The following KITLG variants were observed in gnomAD, a reference collection of about 807,000 sequenced individuals.
The protein encoded by KITLG is c-Kit ligand.
In KITLG, 13 loss-of-function variants were observed where a neutral mutation model predicts 34.1. That is an observed-to-expected ratio of 0.38 (90% CI 0.25 to 0.61). KITLG has a LOEUF of 0.61. Ranked by LOEUF, KITLG falls within the 20% of genes least tolerant of loss-of-function variation. The pLI is 0.60. For missense variants in KITLG, 292 were observed against 318.9 expected (o/e 0.92, Z 0.64); for synonymous variants, 110 against 104.0 (o/e 1.06, Z -0.35).
chr12:88,556,006 T>C lies in KITLG; in HGVS notation c.16-10141A>G, dbSNP rs544533567. Among the ~76,000 whole-genome samples the C allele has an allele frequency of 1.1e-3, 160 of 151,578 alleles. 1 individual carries two copies. In the Middle Eastern group the frequency reaches 0.017, roughly 16 times the overall value. ...AAACCTGACTTGGGGAGGGGGGCAT[T>C]TGGGGGACAGGGGCATTTGAGGGAG... On this transcript the variant is annotated intron_variant, in intron 1 of 9. Coordinates refer to ENST00000644744, the MANE Select transcript of KITLG (RefSeq NM_000899.5).
chr12:88,553,439 AT>A (rs1282436821), intron 1 of KITLG, among the ~76,000 whole-genome samples: 30 of 146,818 alleles, frequency 2.0e-4, no homozygotes, highest in Admixed American at 1.4e-3. Context: ...GTAATCATCT[AT>A]TTTTTTTTTC....
intron 1 of KITLG, among the ~76,000 whole-genome samples, chr12:88,556,333 TG>T (rs571817225): frequency 8.7e-4 from 132 of 151,416 alleles, no homozygotes; most frequent in Non-Finnish European, 1.5e-3. Flanking sequence ...AGCAAGGGAG[TG>T]TCAAGATCTG....
chr12:88,513,821 A>G (rs1207855593), intron 6 of KITLG, among the ~76,000 whole-genome samples: 1 of 151,712 alleles, frequency 6.6e-6, no homozygotes, highest in Admixed American at 6.6e-5. Flanking sequence ...TCAAAAGTTA[A>G]TATTTTCAAT....
intron 2 of KITLG, among the ~76,000 whole-genome samples, chr12:88,539,518 T>TA (rs1333291578): frequency 6.6e-6 from 1 of 152,080 alleles, no homozygotes; most frequent in African/African-American, 2.4e-5. Flanking sequence ...TTGTTTCTCC[T>TA]AAAAAATTAT....
At position 88,515,597 on chromosome 12, in the gene KITLG, T is replaced by G. The variant is rs763954466; in HGVS notation, c.541A>C (p.Lys181Gln). ...GCAACAGGGGGTAACATAAATGGTTTTGTGACACTGACTCTGGAATCTAAA... is the reference window on the plus strand; with the variant it reads ...GCAACAGGGGGTAACATAAATGGTTGTGTGACACTGACTCTGGAATCTAAA... ...PEKDSRVSVT[K>Q]PFMLPPVAAS... is the part of the protein sequence containing the mutation. Residue 181 changes from lysine (K) to glutamine (Q), a missense_variant, in exon 6 of 10, where the codon AAA becomes CAA. Around this residue, in one of 2 missense-constraint regions of KITLG, gnomAD observed 140 missense variants for 111.0 expected, o/e 1.26. Coordinates refer to ENST00000644744, the MANE Select transcript of KITLG (RefSeq NM_000899.5). The G allele has an allele frequency of 1.7e-5, 28 of 1,610,280 alleles. No individual in the cohort carries two copies.
chr12:88,531,906 G>A (rs150815697), intron 3 of KITLG, among the ~76,000 whole-genome samples: 278 of 152,150 alleles, frequency 1.8e-3, no homozygotes, highest in African/African-American at 6.5e-3. Context: ...AATGATTTAT[G>A]TAATATAGGC....
intron 3 of KITLG, among the ~76,000 whole-genome samples, chr12:88,522,611 A>T (rs550328510): frequency 6.6e-6 from 1 of 151,882 alleles, no homozygotes; most frequent in Non-Finnish European, 1.5e-5. Flanking sequence ...TTTTTTTAGT[A>T]GAGATGGGAT....
At chr12:88,516,924 G>A (rs1041849773) in intron 4 of KITLG, among the ~76,000 whole-genome samples, 1 of 151,380 alleles carries the variant, frequency 6.6e-6, no homozygotes, top group Non-Finnish European at 1.5e-5. Context: ...ATTGGCAAGG[G>A]AACTCTTACA....
intron 9 of KITLG, among the ~76,000 whole-genome samples, chr12:88,500,195 G>A (rs1477976323): frequency 6.6e-6 from 1 of 152,176 alleles, no homozygotes; most frequent in South Asian, 2.1e-4. Flanking sequence ...TACGCCATGT[G>A]CTCAGTACAG....
rs540884368 is a variant in KITLG, at chr12:88,522,328, T to A, written c.193-3461A>T. Among the ~76,000 whole-genome samples the A allele has an allele frequency of 2.6e-5, 4 of 152,262 alleles. No homozygotes were observed. The South Asian group carries it at 8.3e-4, about 32-fold the overall frequency. The stretch of plus-strand genomic sequence containing the variant: ...TGGAGACTTGCTAATTCTGGCATGC[T>A]TTCTCCTCTCTATCTCCTGCCTCAT... On this transcript the variant is annotated intron_variant, in intron 3 of 9. Transcript: ENST00000644744.
chr12:88,499,481 C>T (rs567487180), intron 9 of KITLG, among the ~76,000 whole-genome samples: 16 of 152,256 alleles, frequency 1.1e-4, no homozygotes, highest in South Asian at 4.2e-4. Context: ...ATCAACCACA[C>T]GGGGCCATTT....
chr12:88,560,688 G>A (rs1389191115), intron 1 of KITLG, among the ~76,000 whole-genome samples: 1 of 152,138 alleles, frequency 6.6e-6, no homozygotes. Context: ...ACAGTGTGTT[G>A]GCTGGGCGCT....
Position 88,558,238 on chromosome 12 carries a change from A to G in KITLG, c.16-12373T>C, listed in dbSNP as rs914261438. Among the ~76,000 whole-genome samples, 7 of 151,994 alleles carry G rather than the reference A, an allele frequency of 4.6e-5. No individual in the cohort carries two copies. The East Asian group carries it at 9.6e-4, about 21-fold the overall frequency. ...AAAATCTGACAAGTTTAGTCTCACAAGACCTTTTAAATAAATAAATAAATA... is the reference window on the plus strand; with the variant it reads ...AAAATCTGACAAGTTTAGTCTCACAGGACCTTTTAAATAAATAAATAAATA... On this transcript the variant is annotated intron_variant, in intron 1 of 9. Transcript: ENST00000644744.
intron 9 of KITLG, among the ~76,000 whole-genome samples, chr12:88,502,516 A>G (rs761040748): frequency 6.6e-6 from 1 of 152,212 alleles, no homozygotes; most frequent in African/African-American, 2.4e-5. Context: ...GAGAGCCAAC[A>G]ATGCACGGGC....
chr12:88,556,683 G>A (rs6538155), intron 1 of KITLG, among the ~76,000 whole-genome samples: 10 of 152,286 alleles, frequency 6.6e-5, no homozygotes, highest in East Asian at 5.8e-4. Flanking sequence ...GAGGCAGCAG[G>A]AGTCTGGGAG....
chr12:88,569,969 G>T (rs10160879), intron 1 of KITLG, among the ~76,000 whole-genome samples: 1 of 152,024 alleles, frequency 6.6e-6, no homozygotes, highest in Admixed American at 6.5e-5. Flanking sequence ...AGCTTTAAAA[G>T]CCAGACATAA....
At chr12:88,568,280 CATTT>C (rs59218602) in intron 1 of KITLG, among the ~76,000 whole-genome samples, 4,094 of 147,056 alleles carry the variant, frequency 0.028, 187 homozygotes, top group African/African-American at 0.097. Flanking sequence ...CATATTATCT[CATTT>C]ATTTATTTAT....
chr12:88,516,203 G>GAT, intron 5 of KITLG, 131 bp downstream of exon 5: 1 of 780,892 alleles, frequency 1.3e-6, no homozygotes. Flanking sequence ...CTGTGCTATT[G>GAT]ATATCTGCTT....
At position 88,545,869 on chromosome 12, in the gene KITLG, A is replaced by C. The variant is rs1321037699; in HGVS notation, c.16-4T>G. On this transcript the variant is annotated splice_region_variant and splice_polypyrimidine_tract_variant and intron_variant, in intron 1 of 9. Transcript: ENST00000644744. Reference sequence around the variant, plus strand: ...AAATGCAAGTGAGAATCCAAGTCTAAATGAAAACAGAAAAATTGCTTGGTG... The same window carrying C: ...AAATGCAAGTGAGAATCCAAGTCTACATGAAAACAGAAAAATTGCTTGGTG... 6.4e-7 allele frequency: 1 copy of C among 1,570,044 alleles called. No individual in the cohort carries two copies. Among genetic ancestry groups the C allele is most frequent in the East Asian group, 2.2e-5 (1 of 44,632 alleles).
Sources: allele counts gnomAD v4.1 joint callset (sites outside exome capture counted in the v4.1 genomes callset), GRCh38; gene constraint gnomAD v4.1.1; regional missense constraint gnomAD v4.1.1; transcripts MANE v1.5; gene names NCBI Gene and HGNC (gene_info 2026-07-23, HGNC 2026-07-21).